The following PHF20L1 variants were observed in gnomAD, a reference collection of about 807,000 sequenced individuals.
PHF20L1 encodes the protein PHD finger protein 20-like protein 1.
In PHF20L1, 44 loss-of-function variants were observed where a neutral mutation model predicts 125.5. That is an observed-to-expected ratio of 0.35 (90% CI 0.28 to 0.45). The LOEUF (loss-of-function observed/expected upper bound fraction) is 0.45. Among genes scored for constraint, PHF20L1 ranks in the 20% least tolerant of loss-of-function variants. PHF20L1 has a pLI of 1.00. For synonymous variants in PHF20L1, 380 were observed against 403.1 expected (o/e 0.94, Z 0.69); for missense variants, 1,012 against 1,217.2 (o/e 0.83, Z 2.51).
chr8:132,779,396 G>A (rs758451549), intron 2 of PHF20L1, among the ~76,000 whole-genome samples: 8 of 152,136 alleles, frequency 5.3e-5, no homozygotes, highest in Non-Finnish European at 7.4e-5. Context: ...TGTCTATCTT[G>A]GTTCTCATTT....
chr8:132,777,470 GA>G (rs1489082909), intron 1 of PHF20L1, among the ~76,000 whole-genome samples: 1 of 152,198 alleles, frequency 6.6e-6, no homozygotes, highest in Non-Finnish European at 1.5e-5. Flanking sequence ...TCCCCGTGGA[GA>G]ATTTTCTTGG....
At chr8:132,839,269 A>C (rs1362770581) in intron 17 of PHF20L1, 118 bp from the exon 18 acceptor site, 2 of 752,660 alleles carry the variant, frequency 2.7e-6, no homozygotes, top group Non-Finnish European at 4.6e-6. Flanking sequence ...ACTCTTTTTG[A>C]ATCTGCTCCT....
In PHF20L1 at chr8:132,816,951, A is replaced by G. The variant is rs963294498; in HGVS notation, c.1247A>G (p.Gln416Arg). 2.5e-6 allele frequency: 4 copies of G among 1,612,204 alleles called. No homozygotes were observed. In the African/African-American group the frequency reaches 5.4e-5, roughly 22 times the overall value. The change falls in exon 11 of 21, where the codon CAG (glutamine) becomes CGG (arginine). Residue 416 changes from glutamine to arginine, a missense_variant. Gln to Arg is a conservative substitution (Grantham distance 43, BLOSUM62 1). Transcript: ENST00000395386. ...CATAGTGAGCGGAGAAGAAGATCTCAGCGTTTAGCCACCTTACCCATGCCT... is the reference window on the plus strand; with the variant it reads ...CATAGTGAGCGGAGAAGAAGATCTCGGCGTTTAGCCACCTTACCCATGCCT... ...FKHSERRRRS[Q>R]RLATLPMPDD...
chr8:132,806,164 T>C (rs1215240914), intron 8 of PHF20L1, among the ~76,000 whole-genome samples: 1 of 152,022 alleles, frequency 6.6e-6, no homozygotes, highest in Non-Finnish European at 1.5e-5. Context: ...ATGCTTTTTT[T>C]CCTTCAATTT....
At chr8:132,804,788 AT>A in intron 8 of PHF20L1, 48 bp downstream of exon 8, 1 of 1,461,660 alleles carries the variant, frequency 6.8e-7, no homozygotes, top group Non-Finnish European at 9.4e-7. Context: ...GGAAGGTTTA[AT>A]TTTAGAGTAA....
rs1835124618 is a variant in PHF20L1 at position 132,817,629 on chromosome 8, C to T, written c.1579+84C>T. 1.3e-5 allele frequency: 11 copies of T among 872,130 alleles called. No individual in the cohort carries two copies. The East Asian group carries it at 2.9e-4, about 23-fold the overall frequency. 54.0% of individuals were successfully genotyped at this position (872,130 alleles called of 1,614,324 possible). On this transcript the variant is annotated intron_variant, in intron 12 of 20. Transcript: ENST00000395386. ...TAGGTATAAACATTTTGAGGTTTAA[C>T]TACATTATTTTGATTCCTATATAAT... is the stretch of plus-strand genomic sequence containing the variant.
At position 132,846,127 on chromosome 8, in the gene PHF20L1, C is replaced by T; in HGVS notation, c.*204C>T. On this transcript the variant is annotated 3_prime_UTR_variant, in exon 21 of 21. Coordinates refer to ENST00000395386, the MANE Select transcript of PHF20L1 (RefSeq NM_016018.5). Reference sequence around the variant, plus strand: ...TAGTATTTAAAAACAAATTCATGAGCAAGCTGCAAATGAGAATGTGTTATA... The same window carrying T: ...TAGTATTTAAAAACAAATTCATGAGTAAGCTGCAAATGAGAATGTGTTATA... The T allele has an allele frequency of 2.0e-6, 1 of 491,462 alleles. No homozygotes were observed. The highest frequency in any genetic ancestry group is 3.3e-5 in the Admixed American group (1 of 30,538). The allele number at this position is 491,462 out of a possible 1,614,324, so 30.4% of individuals were successfully genotyped here.
At chr8:132,782,556 A>G (rs1830545881) in intron 2 of PHF20L1, among the ~76,000 whole-genome samples, 1 of 151,658 alleles carries the variant, frequency 6.6e-6, no homozygotes, top group South Asian at 2.1e-4. Flanking sequence ...AAAACATCTC[A>G]TTGCAACAAG....
At chr8:132,800,410 A>C (rs1279311253) in intron 6 of PHF20L1, among the ~76,000 whole-genome samples, 1 of 151,698 alleles carries the variant, frequency 6.6e-6, no homozygotes, top group African/African-American at 2.4e-5. Flanking sequence ...TGTTTTATAA[A>C]TGACTCTCAT....
chr8:132,843,262 T>G (rs1254772541), intron 19 of PHF20L1: 4 of 984,608 alleles, frequency 4.1e-6, no homozygotes, highest in Non-Finnish European at 4.8e-6. Context: ...GGTGGCACTC[T>G]AATTGTCTGT....
chr8:132,808,528 T>C (rs1833992433), intron 8 of PHF20L1: 1 of 152,084 alleles, frequency 6.6e-6, no homozygotes, highest in Non-Finnish European at 1.5e-5. Flanking sequence ...ATTTGTCCTG[T>C]TTGAATAGTC....
chr8:132,800,153 C>T (rs1482906860), intron 6 of PHF20L1, among the ~76,000 whole-genome samples: 1 of 150,728 alleles, frequency 6.6e-6, no homozygotes, highest in African/African-American at 2.4e-5. Flanking sequence ...CAAAGTGGGA[C>T]ACTGAGCCAA....
At chr8:132,822,933 G>A (rs1835759928) in intron 12 of PHF20L1, among the ~76,000 whole-genome samples, 3 of 151,860 alleles carry the variant, frequency 2.0e-5, no homozygotes, top group African/African-American at 7.3e-5. Flanking sequence ...GACTAAAATT[G>A]TATTTTAAAT....
At chr8:132,814,520 T>G (rs1834753665) in intron 9 of PHF20L1, 117 bp from the exon 10 acceptor site, 1 of 660,974 alleles carries the variant, frequency 1.5e-6, no homozygotes, top group Non-Finnish European at 2.4e-6. Flanking sequence ...AATAGAAATG[T>G]TATATGTTGC....
intron 2 of PHF20L1, among the ~76,000 whole-genome samples, chr8:132,793,684 A>G (rs551236871): frequency 4.9e-4 from 75 of 152,332 alleles, no homozygotes; most frequent in Non-Finnish European, 9.1e-4. Context: ...CTATTTTGGA[A>G]TTACAGAATT....
intron 2 of PHF20L1, among the ~76,000 whole-genome samples, chr8:132,779,201 A>C (rs1332037296): frequency 3.9e-5 from 6 of 152,216 alleles, no homozygotes; most frequent in Non-Finnish European, 7.3e-5. Context: ...AAGAATGTAC[A>C]TGGTAATTCT....
intron 20 of PHF20L1, among the ~76,000 whole-genome samples, chr8:132,844,893 G>T (rs1236341253): frequency 1.3e-5 from 2 of 152,020 alleles, no homozygotes; most frequent in Non-Finnish European, 2.9e-5. Flanking sequence ...TGTTCTTAAT[G>T]CTTTCTGACT....
intron 8 of PHF20L1, among the ~76,000 whole-genome samples, chr8:132,805,514 A>G (rs1280293449): frequency 6.6e-6 from 1 of 151,978 alleles, no homozygotes; most frequent in Non-Finnish European, 1.5e-5. Context: ...ATATGTTGAA[A>G]GGGGAGTTTA....
At chr8:132,800,558 T>A (rs1401269317) in intron 6 of PHF20L1, among the ~76,000 whole-genome samples, 1 of 151,682 alleles carries the variant, frequency 6.6e-6, no homozygotes, top group East Asian at 1.9e-4. Flanking sequence ...TTTGAGAATT[T>A]GTTTAGAAAG....
Sources: gnomAD v4.1 joint callset for allele counts (sites outside exome capture counted in the v4.1 genomes callset) on GRCh38, gnomAD v4.1.1 for gene constraint, MANE v1.5 for transcripts, NCBI Gene and HGNC (gene_info 2026-07-23, HGNC 2026-07-21) for gene names.